GPR161: variants seen among roughly 807,000 people sequenced by gnomAD.
GPR161 encodes G protein-coupled receptor 161, also known as G-protein coupled receptor RE2.
GPR161 carries 25 observed loss-of-function variants against 39.2 expected under a neutral mutation model. That is an observed-to-expected ratio of 0.64 (90% CI 0.47 to 0.89). The LOEUF is 0.89. GPR161 is among the 40% of genes least tolerant of loss of function. The pLI is 0.00. For synonymous variants in GPR161, 286 were observed against 276.6 expected, an observed-to-expected ratio of 1.03 and a Z score of -0.34; for missense variants, 547 against 677.8, an observed-to-expected ratio of 0.81 and a Z score of 2.14.
chr1:168,134,228 C>T (rs1465047428), intron 1 of GPR161, among the ~76,000 whole-genome samples: 1 of 152,192 alleles, frequency 6.6e-6, no homozygotes, highest in Admixed American at 6.5e-5. Flanking sequence ...AATATACCTC[C>T]TCATGCTTTA....
upstream of GPR161, chr1:168,136,942 G>A: frequency 1.0e-6 from 1 of 963,998 alleles, no homozygotes; most frequent in Non-Finnish European, 1.2e-6. Context: ...ACTTTGCGGC[G>A]CCCGCGCCCC....
At chr1:168,137,185 T>C (rs1699457816), upstream of GPR161, 2 of 1,408,884 alleles carry the variant, frequency 1.4e-6, no homozygotes, top group Admixed American at 3.0e-5. Flanking sequence ...CGCCCCACTT[T>C]TCTCCTGAAA....
At position 168,115,778 on chromosome 1, in the gene GPR161, A is replaced by T. The variant is rs564657048; in HGVS notation, c.-44-10884T>A. ...TCTCCAGAATTCTGCTCCAGAGAAA[A>T]TTTTTTTTTTTTTTTGAGACGGAGT... On this transcript the variant is annotated intron_variant, in intron 1 of 5. Transcript: ENST00000682931. Among the ~76,000 whole-genome samples, 38 of 143,914 alleles carry T rather than the reference A, an allele frequency of 2.6e-4. 1 individual carries two copies. The South Asian group carries it at 3.1e-3, about 12-fold the overall frequency. 94.4% of individuals were successfully genotyped at this position (143,914 alleles called of 152,430 possible).
At chr1:168,092,408 A>C (rs546022473) in intron 3 of GPR161, among the ~76,000 whole-genome samples, 10 of 152,324 alleles carry the variant, frequency 6.6e-5, no homozygotes, top group Admixed American at 2.6e-4. Flanking sequence ...GGCTCAGCTA[A>C]AAGGTCTGGA....
chr1:168,107,881 TC>T (rs1170597334), intron 1 of GPR161, among the ~76,000 whole-genome samples: 1 of 152,130 alleles, frequency 6.6e-6, no homozygotes, highest in African/African-American at 2.4e-5. Flanking sequence ...CTCCTACACT[TC>T]CAGTAAATGC....
chr1:168,121,122 G>C (rs901835186), intron 1 of GPR161, among the ~76,000 whole-genome samples: 1 of 152,128 alleles, frequency 6.6e-6, no homozygotes, highest in African/African-American at 2.4e-5. Context: ...AAGATCCTTA[G>C]AAAACATCTA....
At chr1:168,123,519 T>C (rs1558134783) in intron 1 of GPR161, among the ~76,000 whole-genome samples, 1 of 141,934 alleles carries the variant, frequency 7.0e-6, no homozygotes, top group Non-Finnish European at 1.5e-5. Flanking sequence ...TAGATATAGA[T>C]ATAGATATGC....
At chr1:168,136,140 CT>C (rs1699341268) in intron 1 of GPR161, 5 of 1,262,676 alleles carry the variant, frequency 4.0e-6, no homozygotes, top group Non-Finnish European at 5.0e-6. Context: ...TCCCGCAGAT[CT>C]GAGGGGCAGA....
intron 1 of GPR161, among the ~76,000 whole-genome samples, chr1:168,123,453 G>A (rs1165616863): frequency 6.6e-6 from 1 of 151,602 alleles, no homozygotes; most frequent in Non-Finnish European, 1.5e-5. Context: ...GCAAGACCCT[G>A]TCTCAAAAAA....
rs1379966979 is a variant in GPR161 at position 168,085,253 on chromosome 1, T to C, written c.*278A>G. ...TCCCAAAAAGCCACAGCCACATCTCTAGATTTTTTTTTGGTTTTTTTTTTG... is the reference window on the plus strand; with the variant it reads ...TCCCAAAAAGCCACAGCCACATCTCCAGATTTTTTTTTGGTTTTTTTTTTG... On this transcript the variant is annotated 3_prime_UTR_variant, in exon 6 of 6. Transcript: ENST00000682931. 3 of 514,266 alleles carry C rather than the reference T, an allele frequency of 5.8e-6. No homozygotes were observed. Among genetic ancestry groups the C allele is most frequent in the Non-Finnish European group, 1.1e-5 (3 of 284,514 alleles). 31.9% of individuals were successfully genotyped at this position (514,266 alleles called of 1,614,324 possible). A position where few individuals can be genotyped will look rare whatever the true frequency, so the allele number is the denominator to read the frequency against.
chr1:168,118,458 G>C (rs1350793913), intron 1 of GPR161: 1 of 152,180 alleles, frequency 6.6e-6, no homozygotes, highest in African/African-American at 2.4e-5. Context: ...ACTCACGAGG[G>C]TGAGGGTTAG....
At chr1:168,127,094 G>A (rs1316440984) in intron 1 of GPR161, among the ~76,000 whole-genome samples, 2 of 152,156 alleles carry the variant, frequency 1.3e-5, no homozygotes, top group Admixed American at 6.5e-5. Context: ...GTAAAAGTAC[G>A]AGCAAAAAGG....
At chr1:168,120,643 C>G (rs548014299) in intron 1 of GPR161, among the ~76,000 whole-genome samples, 1 of 152,236 alleles carries the variant, frequency 6.6e-6, no homozygotes, top group African/African-American at 2.4e-5. Context: ...GAATCATAAT[C>G]CCCACATGTC....
chr1:168,105,339 G>A (rs189424084), intron 1 of GPR161, among the ~76,000 whole-genome samples: 2 of 152,238 alleles, frequency 1.3e-5, no homozygotes, highest in East Asian at 3.9e-4. Context: ...GAGACACTCT[G>A]CAGACTGCTG....
chr1:168,125,624 C>CTTT (rs35233372), intron 1 of GPR161, among the ~76,000 whole-genome samples: 2 of 142,204 alleles, frequency 1.4e-5, no homozygotes, highest in Non-Finnish European at 3.0e-5. Context: ...CTTCCCCCCC[C>CTTT]TTTTTTTTTT....
chr1:168,097,277 A>G lies in GPR161; in HGVS notation c.375-45T>C, dbSNP rs780377812. 9 of 1,562,220 alleles carry G rather than the reference A, an allele frequency of 5.8e-6. No individual in the cohort carries two copies. In the South Asian group the frequency reaches 1.1e-4, roughly 19 times the overall value. Reference sequence around the variant, plus strand: ...AGGCAAGAGAGAGAAGTCAGCGGAGAGAGAAAACCGCTGCCTTCCTGCGTC... The same window carrying G: ...AGGCAAGAGAGAGAAGTCAGCGGAGGGAGAAAACCGCTGCCTTCCTGCGTC... On this transcript the variant is annotated intron_variant, in intron 2 of 5. Coordinates refer to ENST00000682931, the MANE Select transcript of GPR161 (RefSeq NM_001375883.1).
At chr1:168,101,391 G>A (rs1386899564) in intron 2 of GPR161, among the ~76,000 whole-genome samples, 4 of 152,192 alleles carry the variant, frequency 2.6e-5, no homozygotes, top group African/African-American at 9.6e-5. Flanking sequence ...AGGCCAGGAT[G>A]CTGTTGTATA....
rs754894154 is a variant in GPR161, at chr1:168,104,852, G to A, written c.-2C>T. The A allele has an allele frequency of 3.1e-6, 5 of 1,613,644 alleles. No individual in the cohort carries two copies. The highest frequency in any genetic ancestry group is 4.2e-6 in the Non-Finnish European group (5 of 1,179,712). On this transcript the variant is annotated 5_prime_UTR_variant, in exon 2 of 6. Transcript: ENST00000682931. ...GCTGAGGGAGGAGTTGAGGCTCATG[G>A]TCAGTGCACCTCGGCGTGGGGTGGG...
intron 5 of GPR161, 127 bp downstream of exon 5, chr1:168,087,458 A>G: frequency 4.5e-6 from 5 of 1,104,548 alleles, no homozygotes; most frequent in Non-Finnish European, 6.8e-6. Context: ...GGGAGTAACC[A>G]GGGAGTGAGC....
Sources: gnomAD v4.1 joint callset for allele counts (sites outside exome capture counted in the v4.1 genomes callset) on GRCh38, gnomAD v4.1.1 for gene constraint, MANE v1.5 for transcripts, NCBI Gene and HGNC (gene_info 2026-07-23, HGNC 2026-07-21) for gene names.